Variants in FANCL observed in about 807,000 individuals in gnomAD.
The protein encoded by FANCL is E3 ubiquitin-protein ligase FANCL.
FANCL carries 69 observed loss-of-function variants against 59.4 expected under a neutral mutation model. That is an observed-to-expected ratio of 1.16 (90% CI 0.96 to 1.42). The LOEUF is 1.42. Ranked by LOEUF, FANCL falls within the 40% of genes most tolerant of loss-of-function variation. The probability of loss-of-function intolerance (pLI) is 0.00; values close to 1 mark genes in which losing one functional copy is unlikely to be tolerated. For missense variants in FANCL, 519 were observed against 447.2 expected (o/e 1.16, Z -1.45); for synonymous variants, 180 against 147.1 (o/e 1.22, Z -1.62).
At chr2:58,225,242 C>T (rs985345597) in intron 4 of FANCL, among the ~76,000 whole-genome samples, 1 of 150,762 alleles carries the variant, frequency 6.6e-6, no homozygotes, top group African/African-American at 2.4e-5. Context: ...AAAAAAAACA[C>T]TTTAGATCCC....
At chr2:58,241,353 G>T (rs199661008), upstream of FANCL, 1 of 1,591,782 alleles carries the variant, frequency 6.3e-7, no homozygotes, top group Non-Finnish European at 8.6e-7. Flanking sequence ...CTCTAGACCT[G>T]CTGGGTCCTG....
intron 6 of FANCL, among the ~76,000 whole-genome samples, chr2:58,202,600 AG>A (rs1690153300): frequency 6.6e-6 from 1 of 151,862 alleles, no homozygotes; most frequent in African/African-American, 2.4e-5. Context: ...TATCTATAAA[AG>A]TGCTTCGTAA....
chr2:58,188,449 T>G (rs889096573), intron 7 of FANCL, among the ~76,000 whole-genome samples: 25 of 150,820 alleles, frequency 1.7e-4, no homozygotes, highest in Admixed American at 2.6e-4. Flanking sequence ...TGTTTTTTGG[T>G]TTTTTTTTGA....
chr2:58,232,627 AATCAGAGT>A (rs1693687729), intron 1 of FANCL, among the ~76,000 whole-genome samples: 1 of 152,050 alleles, frequency 6.6e-6, no homozygotes, highest in African/African-American at 2.4e-5. Flanking sequence ...TACTTGCATA[AATCAGAGT>A]ATATTTAATT....
intron 7 of FANCL, among the ~76,000 whole-genome samples, chr2:58,177,411 G>A (rs1558758277): frequency 6.6e-6 from 1 of 152,110 alleles, no homozygotes; most frequent in Non-Finnish European, 1.5e-5. Flanking sequence ...ACTGGATTAA[G>A]AAAACGTGGC....
At chr2:58,204,400 A>T (rs1483340061) in intron 5 of FANCL, among the ~76,000 whole-genome samples, 174 bp from the exon 6 acceptor site, 1 of 152,166 alleles carries the variant, frequency 6.6e-6, no homozygotes, top group African/African-American at 2.4e-5. Flanking sequence ...ACTGCCGTTC[A>T]TATACCAGCC....
chr2:58,164,508 T>C (rs1316029523), intron 8 of FANCL, among the ~76,000 whole-genome samples: 3 of 152,006 alleles, frequency 2.0e-5, no homozygotes, highest in African/African-American at 7.2e-5. Context: ...GACAGTACTT[T>C]CACGTAATAT....
At chr2:58,216,860 C>T (rs752645285) in intron 5 of FANCL, among the ~76,000 whole-genome samples, 29 of 151,756 alleles carry the variant, frequency 1.9e-4, no homozygotes, top group Admixed American at 2.6e-4. Context: ...GGGGGTAAAG[C>T]GGGTGAGGAG....
chr2:58,175,102 A>C (rs1349638732), intron 7 of FANCL, among the ~76,000 whole-genome samples: 4 of 150,002 alleles, frequency 2.7e-5, no homozygotes, highest in Non-Finnish European at 5.9e-5. Flanking sequence ...TGAATCTCTG[A>C]ATAGACCAAT....
chr2:58,183,207 GA>G (rs201368676), intron 7 of FANCL, among the ~76,000 whole-genome samples: 2,191 of 151,172 alleles, frequency 0.014, 50 homozygotes, highest in African/African-American at 0.047. Flanking sequence ...ACAGATAATA[GA>G]AAAAAATGAA....
At chr2:58,203,938 A>C (rs1331293669) in intron 6 of FANCL, among the ~76,000 whole-genome samples, 192 bp downstream of exon 6, 1 of 152,122 alleles carries the variant, frequency 6.6e-6, no homozygotes, top group Admixed American at 6.6e-5. Flanking sequence ...TTGGACTAAA[A>C]TATGACATAA....
intron 7 of FANCL, among the ~76,000 whole-genome samples, chr2:58,182,988 C>T (rs913567440): frequency 1.3e-5 from 2 of 151,544 alleles, no homozygotes; most frequent in Non-Finnish European, 3.0e-5. Flanking sequence ...TCACAAGATC[C>T]GAGTGAGATA....
intron 5 of FANCL, among the ~76,000 whole-genome samples, chr2:58,217,166 T>TTA (rs1158149205): frequency 1.8e-3 from 84 of 47,298 alleles, no homozygotes; most frequent in Non-Finnish European, 2.5e-3. Context: ...TTTATATATT[T>TTA]TATATATATA....
chr2:58,165,671 A>G (rs1685856324), intron 8 of FANCL, 53 bp downstream of exon 8: 1 of 1,602,258 alleles, frequency 6.2e-7, no homozygotes. Context: ...ATTTATTTTC[A>G]TAATACAAAA....
At chr2:58,192,488 G>A (rs969999445) in intron 7 of FANCL, among the ~76,000 whole-genome samples, 2 of 152,002 alleles carry the variant, frequency 1.3e-5, no homozygotes, top group East Asian at 1.9e-4. Context: ...TAATAAAAAC[G>A]AGGGTGACAA....
chr2:58,210,973 C>T (rs1315139128), intron 5 of FANCL, among the ~76,000 whole-genome samples: 1 of 152,184 alleles, frequency 6.6e-6, no homozygotes, highest in Non-Finnish European at 1.5e-5. Context: ...TGTGGCTTTT[C>T]CAGGCACAGT....
At chr2:58,178,807 T>C (rs1357065859) in intron 7 of FANCL, among the ~76,000 whole-genome samples, 1 of 152,184 alleles carries the variant, frequency 6.6e-6, no homozygotes, top group Non-Finnish European at 1.5e-5. Flanking sequence ...TGTTTGCAGA[T>C]GACATGACTG....
At chr2:58,200,299 G>A (rs1689868408) in intron 6 of FANCL, among the ~76,000 whole-genome samples, 1 of 151,938 alleles carries the variant, frequency 6.6e-6, no homozygotes, top group Non-Finnish European at 1.5e-5. Context: ...TTTGGTTCCA[G>A]CTCTGCTAAC....
chr2:58,176,694 T>G (rs868195672), intron 7 of FANCL, among the ~76,000 whole-genome samples: 1 of 151,908 alleles, frequency 6.6e-6, no homozygotes, highest in Admixed American at 6.6e-5. Context: ...AAAACCTAGG[T>G]ATTACCATTC....
Sources: allele counts gnomAD v4.1 joint callset (sites outside exome capture counted in the v4.1 genomes callset), GRCh38; gene constraint gnomAD v4.1.1; transcripts MANE v1.5; gene names NCBI Gene and HGNC (gene_info 2026-07-23, HGNC 2026-07-21).